CSNK2A2: variants seen among roughly 807,000 people sequenced by gnomAD.
CSNK2A2 encodes the protein casein kinase II subunit alpha'.
CSNK2A2 carries 8 observed loss-of-function variants against 54.0 expected under a neutral mutation model. That is an observed-to-expected ratio of 0.15 (90% CI 0.09 to 0.27). The LOEUF (loss-of-function observed/expected upper bound fraction) is 0.27. CSNK2A2 is among the 10% of genes least tolerant of loss of function. The probability of loss-of-function intolerance (pLI) is 1.00; values close to 1 mark genes in which losing one functional copy is unlikely to be tolerated. For synonymous variants in CSNK2A2, 141 were observed against 153.9 expected, an observed-to-expected ratio of 0.92 and a Z score of 0.62; for missense variants, 242 against 439.4, an observed-to-expected ratio of 0.55 and a Z score of 4.02.
At chr16:58,190,594 C>T (rs1453855544) in intron 2 of CSNK2A2, among the ~76,000 whole-genome samples, 1 of 152,142 alleles carries the variant, frequency 6.6e-6, no homozygotes, top group African/African-American at 2.4e-5. Flanking sequence ...TTCATCACCC[C>T]AATTACATGA....
intron 4 of CSNK2A2, among the ~76,000 whole-genome samples, chr16:58,178,737 G>A (rs529605836): frequency 2.0e-4 from 31 of 152,172 alleles, no homozygotes; most frequent in Middle Eastern, 3.4e-3. Flanking sequence ...CTGATTTTAA[G>A]GAGAAACTGA....
chr16:58,160,748 A>T (rs73549191), intron 11 of CSNK2A2: 15,176 of 152,052 alleles, frequency 0.1, 1,972 homozygotes, highest in African/African-American at 0.3. Context: ...CTTTAGATGG[A>T]TTTTCTTATT....
At chr16:58,166,783 A>G (rs1961574681) in intron 8 of CSNK2A2, 99 bp from the exon 9 acceptor site, 3 of 827,132 alleles carry the variant, frequency 3.6e-6, no homozygotes, top group Non-Finnish European at 6.1e-6. Flanking sequence ...CCACACCACT[A>G]AACCTCTAGG....
chr16:58,175,469 A>C, intron 4 of CSNK2A2, among the ~76,000 whole-genome samples: 1 of 152,220 alleles, frequency 6.6e-6, no homozygotes, highest in South Asian at 2.1e-4. Context: ...CAGGGAACAC[A>C]GAACAGTGTA....
chr16:58,165,509 A>C (rs1159479326), intron 10 of CSNK2A2, 51 bp downstream of exon 10: 1 of 1,520,386 alleles, frequency 6.6e-7, no homozygotes, highest in Non-Finnish European at 8.8e-7. Context: ...AGAGTGGAAG[A>C]TTTGTTCTCT....
chr16:58,193,104 C>T (rs2550361), intron 2 of CSNK2A2, among the ~76,000 whole-genome samples: 149,664 of 152,374 alleles, frequency 0.98, 73,507 homozygotes, highest in South Asian at 1. Context: ...TAGTGAAAAT[C>T]AGAATGTACC....
intron 6 of CSNK2A2, 106 bp downstream of exon 6, chr16:58,168,504 C>G (rs1961636458): frequency 1.2e-6 from 1 of 867,688 alleles, no homozygotes; most frequent in Admixed American, 2.6e-5. Context: ...GAAAGTTTGC[C>G]AAAAAACCCA....
At position 58,164,039 on chromosome 16, in the gene CSNK2A2, TC is replaced by T; in HGVS notation, c.*17+14del. The T allele has an allele frequency of 1.9e-6, 3 of 1,595,012 alleles. No homozygotes were observed. Among genetic ancestry groups the T allele is most frequent in the Non-Finnish European group, 2.6e-6 (3 of 1,165,430 alleles). ...GGTTGGTTGGTTTTATTGGCAAGCA[TC>T]AATGCCGCATTACCCGTCGCTTTCC... On this transcript the variant is annotated intron_variant, in intron 11 of 11. Transcript: ENST00000262506.
chr16:58,195,152 G>C (rs2142455358), intron 2 of CSNK2A2, among the ~76,000 whole-genome samples: 1 of 150,632 alleles, frequency 6.6e-6, no homozygotes, highest in South Asian at 2.1e-4. Context: ...CTAATGTATG[G>C]CTTTCTAAGG....
intron 3 of CSNK2A2, among the ~76,000 whole-genome samples, chr16:58,184,523 G>C (rs1962141493): frequency 2.0e-5 from 3 of 152,162 alleles, no homozygotes. Flanking sequence ...GGAAGTGGTG[G>C]GAGTATAGAT....
At chr16:58,164,639 T>C (rs1441138969) in intron 10 of CSNK2A2, among the ~76,000 whole-genome samples, 1 of 152,162 alleles carries the variant, frequency 6.6e-6, no homozygotes, top group Admixed American at 6.5e-5. Context: ...GTCATAAACA[T>C]CAGTATTCCT....
In CSNK2A2 at chr16:58,186,744, T is replaced by G; in HGVS notation, c.318+11A>C. The G allele has an allele frequency of 6.2e-7, 1 of 1,609,572 alleles. No individual in the cohort carries two copies. The highest frequency in any genetic ancestry group is 8.5e-7 in the Non-Finnish European group (1 of 1,176,202). On this transcript the variant is annotated intron_variant, in intron 3 of 11. Coordinates refer to ENST00000262506, the MANE Select transcript of CSNK2A2 (RefSeq NM_001896.4). Reference sequence around the variant, plus strand: ...TCTACTAGTATACTCCCCCAACCATTTGGCACCTACCACGGGGTCCTTTAC... The same window carrying G: ...TCTACTAGTATACTCCCCCAACCATGTGGCACCTACCACGGGGTCCTTTAC...
At chr16:58,165,445 AG>A (rs1245305168) in intron 10 of CSNK2A2, 114 bp downstream of exon 10, 2 of 1,153,098 alleles carry the variant, frequency 1.7e-6, no homozygotes, top group African/African-American at 3.1e-5. Context: ...GCCAAATTCT[AG>A]GAATAATCCA....
chr16:58,168,583 C>A, intron 6 of CSNK2A2, 27 bp downstream of exon 6: 3 of 1,599,770 alleles, frequency 1.9e-6, no homozygotes, highest in Non-Finnish European at 2.6e-6. Context: ...TTTAATCAAG[C>A]TTGTTGCTGC....
At chr16:58,189,606 A>AT (rs1035362084) in intron 2 of CSNK2A2, among the ~76,000 whole-genome samples, 1 of 152,222 alleles carries the variant, frequency 6.6e-6, no homozygotes, top group African/African-American at 2.4e-5. Context: ...GGTATCTGGC[A>AT]TAGCAACTGA....
chr16:58,169,303 G>A (rs1456733265), intron 5 of CSNK2A2, among the ~76,000 whole-genome samples: 2 of 151,378 alleles, frequency 1.3e-5, no homozygotes, highest in Non-Finnish European at 2.9e-5. Flanking sequence ...ACTTTGGGAG[G>A]CCGAGGCAGG....
intron 4 of CSNK2A2, 67 bp from the exon 5 acceptor site, chr16:58,174,577 G>T: frequency 7.8e-7 from 1 of 1,286,040 alleles, no homozygotes; most frequent in Non-Finnish European, 1.1e-6. Flanking sequence ...CTAAGTGCAG[G>T]CCATTCTCTA....
At chr16:58,173,072 G>A (rs1012555190) in intron 5 of CSNK2A2, among the ~76,000 whole-genome samples, 1 of 152,106 alleles carries the variant, frequency 6.6e-6, no homozygotes, top group African/African-American at 2.4e-5. Context: ...AGAGTGCATG[G>A]GATTACTCAG....
chr16:58,186,304 G>T (rs1269277363), intron 3 of CSNK2A2, among the ~76,000 whole-genome samples: 7 of 152,220 alleles, frequency 4.6e-5, no homozygotes, highest in African/African-American at 1.7e-4. Flanking sequence ...CTTCTTCACA[G>T]GGTCAGTGGA....
Sources: allele counts gnomAD v4.1 joint callset (sites outside exome capture counted in the v4.1 genomes callset), GRCh38; gene constraint gnomAD v4.1.1; transcripts MANE v1.5; gene names NCBI Gene and HGNC (gene_info 2026-07-23, HGNC 2026-07-21).